ERG: variants seen among roughly 807,000 people sequenced by gnomAD.
ERG encodes the protein ETS transcription factor ERG, also known as transcriptional regulator ERG.
In ERG, 9 loss-of-function variants were observed where a neutral mutation model predicts 55.3. The ratio of observed to expected loss-of-function variants is 0.16; its 90% confidence interval spans 0.10 to 0.28. The LOEUF (loss-of-function observed/expected upper bound fraction) is 0.28, where lower values mean the gene tolerates loss of function less well. ERG is among the 10% of genes least tolerant of loss of function. The pLI, the probability that ERG is intolerant of heterozygous loss-of-function variation, is 1.00. For synonymous variants in ERG, 223 were observed against 237.3 expected (o/e 0.94, Z 0.55); for missense variants, 434 against 631.6 (o/e 0.69, Z 3.35).
Position 38,645,022 on chromosome 21 carries a change from G to T in ERG, c.-150+16636C>A, listed in dbSNP as rs115916212. 5.2e-3 allele frequency among the ~76,000 whole-genome samples: 796 copies of T among 152,254 alleles called. 1 individual carries two copies. Among genetic ancestry groups the T allele is most frequent in the African/African-American group, 0.018 (755 of 41,534 alleles). ...AATATTTTAAAACTTAGCCGGGCAT[G>T]GCAGCATGCACTTGTAGTCCCAGCT... On this transcript the variant is annotated intron_variant, in intron 1 of 10. Coordinates refer to the ERG transcript ENST00000398910.
At chr21:38,485,492 G>A (rs987407294) in intron 1 of ERG, among the ~76,000 whole-genome samples, 11 of 133,680 alleles carry the variant, frequency 8.2e-5, no homozygotes, top group Admixed American at 8.6e-5. Flanking sequence ...ATGGAGTCTC[G>A]CTGTGTCACC....
At chr21:38,515,853 A>G (rs1302981963) in intron 2 of ERG, among the ~76,000 whole-genome samples, 1 of 152,058 alleles carries the variant, frequency 6.6e-6, no homozygotes, top group Non-Finnish European at 1.5e-5. Flanking sequence ...TAAATATGAT[A>G]CATCACATCA....
intron 2 of ERG, among the ~76,000 whole-genome samples, chr21:38,439,767 T>C (rs1419639560): frequency 6.6e-6 from 1 of 152,238 alleles, no homozygotes; most frequent in Non-Finnish European, 1.5e-5. Flanking sequence ...TCTATTATAA[T>C]GGCAACAGAT....
chr21:38,658,445 G>C (rs1180230439), intron 1 of ERG, among the ~76,000 whole-genome samples: 1 of 152,202 alleles, frequency 6.6e-6, no homozygotes, highest in African/African-American at 2.4e-5. Flanking sequence ...GACCGGGACT[G>C]ACTTGCTATC....
At chr21:38,536,943 G>A (rs2059714772) in intron 2 of ERG, among the ~76,000 whole-genome samples, 1 of 152,082 alleles carries the variant, frequency 6.6e-6, no homozygotes. Flanking sequence ...GAAAGTTCTG[G>A]GGTCTAAGAT....
At chr21:38,483,822 G>A (rs2059259572) in intron 1 of ERG, among the ~76,000 whole-genome samples, 1 of 152,094 alleles carries the variant, frequency 6.6e-6, no homozygotes, top group Non-Finnish European at 1.5e-5. Context: ...AGCCAAGATT[G>A]CACCACAGCA....
chr21:38,400,220 C>G (rs1262598797), intron 6 of ERG: 1 of 443,232 alleles, frequency 2.3e-6, no homozygotes, highest in Non-Finnish European at 4.3e-6. Flanking sequence ...CACTGTGAAT[C>G]TGGGGAGTGT....
At chr21:38,377,565 CT>C (rs1210533204), downstream of ERG, among the ~76,000 whole-genome samples, 1 of 152,208 alleles carries the variant, frequency 6.6e-6, no homozygotes, top group Non-Finnish European at 1.5e-5. Flanking sequence ...AATAAGAGAA[CT>C]TACTTAAAAT....
chr21:38,487,386 T>C (rs1391368476), intron 1 of ERG, among the ~76,000 whole-genome samples: 4 of 152,188 alleles, frequency 2.6e-5, no homozygotes, highest in Non-Finnish European at 5.9e-5. Flanking sequence ...GAACGAAGTT[T>C]TTATTACTGC....
chr21:38,409,727 G>A (rs113215350), intron 3 of ERG, among the ~76,000 whole-genome samples: 114 of 152,184 alleles, frequency 7.5e-4, no homozygotes, highest in Admixed American at 1.6e-3. Context: ...GAAATTTGGT[G>A]TGGCTGCAGT....
At chr21:38,655,361 G>A (rs552887243) in intron 1 of ERG, among the ~76,000 whole-genome samples, 11 of 152,194 alleles carry the variant, frequency 7.2e-5, no homozygotes, top group South Asian at 2.1e-4. Context: ...GAGGTATCCC[G>A]TGTTTCTGAA....
chr21:38,661,195 A>C (rs1414342224), intron 1 of ERG, among the ~76,000 whole-genome samples: 5 of 142,920 alleles, frequency 3.5e-5, no homozygotes, highest in Non-Finnish European at 7.6e-5. Context: ...TGGGAGGGGG[A>C]GCCGCGGGGG....
intron 1 of ERG, among the ~76,000 whole-genome samples, chr21:38,613,545 C>T (rs2060241027): frequency 6.6e-6 from 1 of 152,230 alleles, no homozygotes; most frequent in Non-Finnish European, 1.5e-5. Flanking sequence ...CCCCAAAATG[C>T]AGACATCAGC....
At chr21:38,412,805 C>T (rs1318315787) in intron 3 of ERG, among the ~76,000 whole-genome samples, 1 of 152,118 alleles carries the variant, frequency 6.6e-6, no homozygotes, top group East Asian at 1.9e-4. Context: ...TGGGGGAGAT[C>T]TCTCTTCAGC....
intron 2 of ERG, among the ~76,000 whole-genome samples, chr21:38,553,000 T>C (rs367644203): frequency 1.3e-5 from 2 of 152,088 alleles, no homozygotes; most frequent in South Asian, 4.1e-4. Flanking sequence ...CGTTTTAGGA[T>C]ACAAAATCAA....
chr21:38,535,916 GA>G (rs1464904254), intron 2 of ERG, among the ~76,000 whole-genome samples: 1 of 152,110 alleles, frequency 6.6e-6, no homozygotes, highest in Non-Finnish European at 1.5e-5. Flanking sequence ...CAACCAATAA[GA>G]AAACACAATT....
intron 2 of ERG, among the ~76,000 whole-genome samples, chr21:38,436,948 C>T (rs1206821088): frequency 2.6e-5 from 4 of 150,986 alleles, no homozygotes; most frequent in Non-Finnish European, 4.4e-5. Context: ...AGTGCAGTGC[C>T]GTGATCTCAG....
At chr21:38,599,478 T>A (rs922026024) in intron 1 of ERG, among the ~76,000 whole-genome samples, 1 of 152,172 alleles carries the variant, frequency 6.6e-6, no homozygotes, top group Non-Finnish European at 1.5e-5. Context: ...CACCAAATTA[T>A]GATGCATGGC....
chr21:38,596,957 A>G (rs967745259), intron 1 of ERG, among the ~76,000 whole-genome samples: 3 of 152,192 alleles, frequency 2.0e-5, no homozygotes, highest in Admixed American at 6.5e-5. Flanking sequence ...CAGTCTCCCC[A>G]AAAAGCACTG....
Sources: gnomAD v4.1 joint callset for allele counts (sites outside exome capture counted in the v4.1 genomes callset) on GRCh38, gnomAD v4.1.1 for gene constraint, MANE v1.5 for transcripts, NCBI Gene and HGNC (gene_info 2026-07-23, HGNC 2026-07-21) for gene names.